Variants in CABLES1 observed in about 807,000 individuals in gnomAD.
CABLES1 encodes Cdk5 and Abl enzyme substrate 1, also known as CDK5 and ABL1 enzyme substrate 1.
In CABLES1, 36 loss-of-function variants were observed where a neutral mutation model predicts 57.8. That is an observed-to-expected ratio of 0.62 (90% confidence interval 0.48 to 0.82). CABLES1 has a LOEUF of 0.82. Ranked by LOEUF, CABLES1 falls within the 40% of genes least tolerant of loss-of-function variation. CABLES1 has a pLI of 0.00. For missense variants in CABLES1, 767 were observed against 836.6 expected (o/e 0.92, Z 1.03); for synonymous variants, 374 against 363.0 (o/e 1.03, Z -0.35).
At chr18:23,201,168 C>A (rs1415328198) in intron 3 of CABLES1, among the ~76,000 whole-genome samples, 1 of 152,220 alleles carries the variant, frequency 6.6e-6, no homozygotes, top group East Asian at 1.9e-4. Context: ...TTCAGGTGGA[C>A]TGCTGATTAT....
intron 7 of CABLES1, among the ~76,000 whole-genome samples, chr18:23,246,106 A>G (rs1458969896): frequency 6.6e-6 from 1 of 152,164 alleles, no homozygotes; most frequent in Non-Finnish European, 1.5e-5. Context: ...TCTACTAAAA[A>G]TGCAAAAATT....
chr18:23,214,501 G>A (rs1184048306), intron 4 of CABLES1: 1 of 153,600 alleles, frequency 6.5e-6, no homozygotes, highest in East Asian at 1.9e-4. Flanking sequence ...AAAGCAAAAG[G>A]GTTCCAGGAC....
rs2048194251 is a variant in CABLES1 at position 23,257,367 on chromosome 18, G to A, written c.1902G>A (p.Ter634=). The change falls in exon 10 of 10, where the codon TAG becomes TAA. Residue 634 remains the stop codon, a stop_retained_variant. Transcript: ENST00000256925. ...ACAGACGGCTGGTCCAGAGTTCCTA[G>A]CACTGGCCCCGAGGACAGCCAAGGG... ...PHYRRLVQSS[*] is the part of the protein sequence containing the mutation. 1.3e-6 allele frequency: 2 copies of A among 1,594,536 alleles called. No homozygotes were observed. The highest frequency in any genetic ancestry group is 1.7e-4 in the Middle Eastern group (1 of 5,988).
At chr18:23,253,257 C>T (rs181802387) in intron 8 of CABLES1, among the ~76,000 whole-genome samples, 191 bp downstream of exon 8, 51 of 152,214 alleles carry the variant, frequency 3.4e-4, no homozygotes, top group Admixed American at 7.9e-4. Context: ...CCGAAGTGGG[C>T]GGATCACCTG....
In CABLES1 at chr18:23,231,905, A is replaced by G. The variant is rs184590010; in HGVS notation, c.1089-2703A>G. ...TTTGGCGGCAGGCAGACAGCTGGCC[A>G]GGACAAGGCTGCCCCGGGGAAGCAG... On this transcript the variant is annotated intron_variant, in intron 4 of 9. Coordinates refer to ENST00000256925, the MANE Select transcript of CABLES1 (RefSeq NM_001100619.3). 1.3e-3 allele frequency among the ~76,000 whole-genome samples: 195 copies of G among 152,296 alleles called. No homozygotes were observed. The East Asian group carries it at 0.029, about 23-fold the overall frequency.
chr18:23,198,280 A>G (rs1174865297), intron 3 of CABLES1, among the ~76,000 whole-genome samples: 1 of 152,256 alleles, frequency 6.6e-6, no homozygotes, highest in East Asian at 1.9e-4. Flanking sequence ...CCCAAAATAT[A>G]AACATGCTTT....
chr18:23,188,192 G>A (rs551765363), intron 1 of CABLES1, among the ~76,000 whole-genome samples: 87 of 152,302 alleles, frequency 5.7e-4, no homozygotes, highest in Middle Eastern at 3.4e-3. Flanking sequence ...GTAGACTAGA[G>A]AGGTTTTAGC....
chr18:23,160,967 A>T (rs1165397731), intron 1 of CABLES1, among the ~76,000 whole-genome samples: 1 of 152,188 alleles, frequency 6.6e-6, no homozygotes, highest in East Asian at 1.9e-4. Flanking sequence ...TAGGAGGCAA[A>T]GGTTGCAGTG....
chr18:23,154,272 C>T (rs115078606), intron 1 of CABLES1, among the ~76,000 whole-genome samples: 265 of 152,294 alleles, frequency 1.7e-3, no homozygotes, highest in African/African-American at 6.3e-3. Context: ...AACAAGCACC[C>T]GGTGTGCTGT....
At chr18:23,196,167 G>A (rs765724551) in intron 3 of CABLES1, among the ~76,000 whole-genome samples, 30 of 152,186 alleles carry the variant, frequency 2.0e-4, no homozygotes, top group South Asian at 2.1e-4. Flanking sequence ...CTAAGAGAAC[G>A]TAAACAGCAA....
In CABLES1 at chr18:23,135,807, C is replaced by A; in HGVS notation, c.45C>A (p.Ser15Arg). The stretch of plus-strand genomic sequence containing the variant: ...CCGCCACCACGGCCGCCTGCAGCAG[C>A]GGCAGCGCCGGCACCGACGCCGCGG... ...AAAATTAACS[S>R]GSAGTDAAGA... is the part of the protein sequence containing the mutation. The change falls in exon 1 of 10, where the codon AGC becomes AGA. Residue 15 changes from serine (S) to arginine (R), a missense_variant. Ser to Arg is a moderately radical substitution (Grantham distance 110). This residue lies in a region of CABLES1 where 198 missense variants were observed against 149.7 expected (regional missense o/e 1.32). Coordinates refer to ENST00000256925, the MANE Select transcript of CABLES1 (RefSeq NM_001100619.3). The A allele has an allele frequency of 2.1e-6, 2 of 968,748 alleles. No homozygotes were observed. The highest frequency in any genetic ancestry group is 2.5e-6 in the Non-Finnish European group (2 of 815,144). 60.0% of individuals were successfully genotyped at this position (968,748 alleles called of 1,614,324 possible). A position where few individuals can be genotyped will look rare whatever the true frequency, so the allele number is the denominator to read the frequency against.
At chr18:23,163,046 T>G (rs575439490) in intron 1 of CABLES1, among the ~76,000 whole-genome samples, 1 of 152,242 alleles carries the variant, frequency 6.6e-6, no homozygotes, top group South Asian at 2.1e-4. Context: ...ATTTCAGAAA[T>G]AGACAACAGT....
At chr18:23,178,321 C>T (rs1187325718) in intron 1 of CABLES1, among the ~76,000 whole-genome samples, 1 of 152,088 alleles carries the variant, frequency 6.6e-6, no homozygotes, top group African/African-American at 2.4e-5. Flanking sequence ...CCCTCTGGGA[C>T]GAGGCCAAGT....
At chr18:23,157,979 G>A (rs1195246620) in intron 1 of CABLES1, among the ~76,000 whole-genome samples, 1 of 152,050 alleles carries the variant, frequency 6.6e-6, no homozygotes, top group Non-Finnish European at 1.5e-5. Context: ...TTCCTTAATT[G>A]TAAATAAAAA....
chr18:23,140,331 C>T (rs2046849629), intron 1 of CABLES1, among the ~76,000 whole-genome samples: 2 of 152,318 alleles, frequency 1.3e-5, no homozygotes, highest in South Asian at 2.1e-4. Context: ...TTCTGGCTAG[C>T]GGACAGCTCC....
chr18:23,254,049 C>T lies in CABLES1; in HGVS notation c.1761+113C>T, dbSNP rs56257382. The T allele has an allele frequency of 2.0e-4, 163 of 834,674 alleles. 1 individual carries two copies. The African/African-American group carries it at 2.5e-3, about 13-fold the overall frequency. 51.7% of individuals were successfully genotyped at this position (834,674 alleles called of 1,614,324 possible). A position where few individuals can be genotyped will look rare whatever the true frequency, so the allele number is the denominator to read the frequency against. On this transcript the variant is annotated intron_variant, in intron 9 of 9. Coordinates refer to ENST00000256925, the MANE Select transcript of CABLES1 (RefSeq NM_001100619.3). ...TGGAAGGATTCTGATCCTTAGTCAG[C>T]AATTGAGGTGAAGGCTATGAAGTCT...
intron 2 of CABLES1, 45 bp downstream of exon 2, chr18:23,188,954 A>G: frequency 7.5e-7 from 1 of 1,334,614 alleles, no homozygotes; most frequent in South Asian, 1.3e-5. Flanking sequence ...GTACACCATG[A>G]CAGCCAGAGA....
chr18:23,190,094 T>A (rs2047230766), intron 2 of CABLES1, among the ~76,000 whole-genome samples: 1 of 152,204 alleles, frequency 6.6e-6, no homozygotes, highest in Non-Finnish European at 1.5e-5. Context: ...CAAGTGTTAC[T>A]CTGTGAGGAG....
At chr18:23,231,793 A>G (rs191334788) in intron 4 of CABLES1, among the ~76,000 whole-genome samples, 25 of 152,026 alleles carry the variant, frequency 1.6e-4, no homozygotes, top group African/African-American at 4.6e-4. Context: ...TTAGGGCTTC[A>G]TTTCCTTTGG....
Sources: gnomAD v4.1 joint callset for allele counts (sites outside exome capture counted in the v4.1 genomes callset) on GRCh38, gnomAD v4.1.1 for gene constraint, gnomAD v4.1.1 regional missense constraint, MANE v1.5 for transcripts, NCBI Gene and HGNC (gene_info 2026-07-23, HGNC 2026-07-21) for gene names.